Variants in PDE5A observed in about 807,000 individuals in gnomAD.
PDE5A encodes the protein cGMP-specific 3',5'-cyclic phosphodiesterase.
Under a neutral mutation model 110.2 loss-of-function variants are expected in PDE5A, and 67 were observed. The observed-to-expected ratio is 0.61, with a 90% CI of 0.50 to 0.75. PDE5A has a LOEUF of 0.75. Ranked by LOEUF, PDE5A falls within the 30% of genes least tolerant of loss-of-function variation. The pLI, the probability that PDE5A is intolerant of heterozygous loss-of-function variation, is 0.00. For synonymous variants in PDE5A, 328 were observed against 351.2 expected, an observed-to-expected ratio of 0.93 and a Z score of 0.74; for missense variants, 862 against 1,045.1, an observed-to-expected ratio of 0.82 and a Z score of 2.42.
chr4:119,558,353 C>G (rs1234879313), intron 7 of PDE5A, among the ~76,000 whole-genome samples: 1 of 152,064 alleles, frequency 6.6e-6, no homozygotes, highest in African/African-American at 2.4e-5. Flanking sequence ...GGAAAAATCT[C>G]GAATGAGCTA....
chr4:119,523,377 A>G (rs1050361077), intron 12 of PDE5A, among the ~76,000 whole-genome samples: 4 of 147,748 alleles, frequency 2.7e-5, no homozygotes, highest in Admixed American at 1.4e-4. Flanking sequence ...AGATCTTTCA[A>G]TATGAAATAT....
At chr4:119,504,719 T>TAA (rs948505940) in intron 17 of PDE5A, 120 bp from the exon 18 acceptor site, 16 of 612,648 alleles carry the variant, frequency 2.6e-5, no homozygotes, top group African/African-American at 5.7e-5. Context: ...TGGCAGTTTA[T>TAA]AAAGACCAAA....
At chr4:119,526,906 ATG>A (rs1376154042) in intron 11 of PDE5A, 2 of 152,140 alleles carry the variant, frequency 1.3e-5, no homozygotes, top group African/African-American at 4.8e-5. Flanking sequence ...CCATAGGCTA[ATG>A]TGTGGGCCGA....
intron 1 of PDE5A, among the ~76,000 whole-genome samples, chr4:119,608,887 C>T (rs1315790655): frequency 1.3e-5 from 2 of 152,192 alleles, no homozygotes. Flanking sequence ...TTAGGCCAGG[C>T]GCGGTGGCTC....
chr4:119,513,249 T>A (rs1383532), intron 14 of PDE5A, among the ~76,000 whole-genome samples: 39,870 of 151,972 alleles, frequency 0.26, 5,368 homozygotes, highest in East Asian at 0.38. Context: ...TACTTGTTCA[T>A]CCTGAAAGTG....
intron 9 of PDE5A, among the ~76,000 whole-genome samples, chr4:119,544,427 T>C (rs900467929): frequency 6.6e-6 from 1 of 152,300 alleles, no homozygotes; most frequent in South Asian, 2.1e-4. Context: ...TAAATGTATA[T>C]ATCCTGTGTG....
chr4:119,507,582 C>T, intron 16 of PDE5A, 22 bp downstream of exon 16: 1 of 1,383,016 alleles, frequency 7.2e-7, no homozygotes, highest in South Asian at 1.2e-5. Context: ...ACCTATTTCT[C>T]AGGTTATTTC....
intron 14 of PDE5A, among the ~76,000 whole-genome samples, chr4:119,513,264 A>G (rs956444764): frequency 6.6e-6 from 1 of 152,118 alleles, no homozygotes; most frequent in South Asian, 2.1e-4. Flanking sequence ...AAAGTGTCAA[A>G]GAGTGAAGGC....
At chr4:119,557,824 T>G (rs1288956621) in intron 7 of PDE5A, among the ~76,000 whole-genome samples, 3 of 152,198 alleles carry the variant, frequency 2.0e-5, no homozygotes, top group Admixed American at 1.3e-4. Context: ...GACTTCTACA[T>G]TCTTCTACAC....
At chr4:119,560,226 G>T in intron 7 of PDE5A, 70 bp downstream of exon 7, 1 of 832,018 alleles carries the variant, frequency 1.2e-6, no homozygotes. Context: ...AAATCAAACT[G>T]GTCATGAAAT....
chr4:119,624,339 A>C (rs1218265952), intron 1 of PDE5A, among the ~76,000 whole-genome samples: 6 of 152,190 alleles, frequency 3.9e-5, no homozygotes. Flanking sequence ...TATATACATA[A>C]TCTGATTGTA....
In PDE5A at chr4:119,498,523, C is replaced by T. The variant is rs1447260945; in HGVS notation, c.*78G>A. On this transcript the variant is annotated 3_prime_UTR_variant, in exon 21 of 21. Coordinates refer to ENST00000354960, the MANE Select transcript of PDE5A (RefSeq NM_001083.4). ...GTATATACCAAATACAGACACTATA[C>T]AGACAGTGTGTAAGAAACTAGGCAT... The T allele has an allele frequency of 2.0e-6, 3 of 1,495,760 alleles. No individual in the cohort carries two copies. Among genetic ancestry groups the T allele is most frequent in the East Asian group, 2.3e-5 (1 of 44,152 alleles). 92.7% of individuals were successfully genotyped at this position (1,495,760 alleles called of 1,614,324 possible).
rs757753753 is a variant in PDE5A at position 119,504,550 on chromosome 4, G to A, written c.2317C>T (p.Pro773Ser). The A allele has an allele frequency of 6.2e-7, 1 of 1,611,760 alleles. No homozygotes were observed. Among genetic ancestry groups the A allele is most frequent in the South Asian group, 1.1e-5 (1 of 90,944 alleles). Residue 773 changes from proline to serine, a missense_variant, in exon 18 of 21, where the codon CCT (proline) becomes TCT (serine). Physicochemically the swap from Pro to Ser is moderately conservative, Grantham distance 74. Coordinates refer to ENST00000354960, the MANE Select transcript of PDE5A (RefSeq NM_001083.4). The part of the protein sequence containing the change: ...CDLSAITKPW[P>S]IQQRIAELVA... ...AAGTAACATACCCGTTGTTGAATAG[G>A]CCAGGGTTTTGTAATTGCAGAAAGA...
At position 119,591,543 on chromosome 4, in the gene PDE5A, A is replaced by C. The variant is rs563827028; in HGVS notation, c.831+4980T>G. On this transcript the variant is annotated intron_variant, in intron 3 of 20. Coordinates refer to ENST00000354960, the MANE Select transcript of PDE5A (RefSeq NM_001083.4). ...CATTTTGGTTTAAAATTTTCACGAC[A>C]AAGAGTAGTTATGTGTACATAAAAA... is the stretch of plus-strand genomic sequence containing the variant. Among the ~76,000 whole-genome samples the C allele has an allele frequency of 8.5e-5, 13 of 152,314 alleles. No homozygotes were observed. In the South Asian group the frequency reaches 2.3e-3, roughly 27 times the overall value.
intron 9 of PDE5A, chr4:119,549,076 C>T (rs1274212107): frequency 6.6e-6 from 1 of 151,442 alleles, no homozygotes; most frequent in African/African-American, 2.4e-5. Flanking sequence ...AGCAGCTTAT[C>T]TCTCCATGTA....
In PDE5A at chr4:119,521,068, G is replaced by T; in HGVS notation, c.1780-8C>A. ...AATCCATCTGCAAAGAACCTTTAGGGAATAAAACATAAGTAGTAACAATAA... is the reference window on the plus strand; with the variant it reads ...AATCCATCTGCAAAGAACCTTTAGGTAATAAAACATAAGTAGTAACAATAA... On this transcript the variant is annotated splice_polypyrimidine_tract_variant and splice_region_variant and intron_variant, in intron 12 of 20. Coordinates refer to ENST00000354960, the MANE Select transcript of PDE5A (RefSeq NM_001083.4). 1 of 1,609,566 alleles carries T rather than the reference G, an allele frequency of 6.2e-7. No individual in the cohort carries two copies. Among genetic ancestry groups the T allele is most frequent in the Non-Finnish European group, 8.5e-7 (1 of 1,177,360 alleles).
chr4:119,599,640 G>C (rs1055331863), intron 2 of PDE5A, among the ~76,000 whole-genome samples: 2 of 151,136 alleles, frequency 1.3e-5, no homozygotes, highest in Non-Finnish European at 2.9e-5. Context: ...CATTCAGAAG[G>C]ATTGAAAGAG....
At chr4:119,607,394 T>C (rs1578822642) in intron 1 of PDE5A, 97 bp from the exon 2 acceptor site, 1 of 708,222 alleles carries the variant, frequency 1.4e-6, no homozygotes, top group Middle Eastern at 2.6e-4. Flanking sequence ...ACTGATGAGA[T>C]AATAATTTGA....
At chr4:119,605,093 C>T (rs966345807) in intron 2 of PDE5A, among the ~76,000 whole-genome samples, 2 of 152,058 alleles carry the variant, frequency 1.3e-5, no homozygotes, top group African/African-American at 2.4e-5. Context: ...ATACTGGTTC[C>T]CCTTTCAAAA....
Sources: gnomAD v4.1 joint callset for allele counts (sites outside exome capture counted in the v4.1 genomes callset) on GRCh38, gnomAD v4.1.1 for gene constraint, MANE v1.5 for transcripts, NCBI Gene and HGNC (gene_info 2026-07-23, HGNC 2026-07-21) for gene names.